The following NAV2 variants were observed in gnomAD, a reference collection of about 807,000 sequenced individuals.
The protein encoded by NAV2 is helicase, APC down-regulated 1.
In NAV2, 54 loss-of-function variants were observed where a neutral mutation model predicts 223.2. The observed-to-expected ratio is 0.24, with a 90% CI of 0.19 to 0.30. The LOEUF is 0.30. Ranked by LOEUF, NAV2 falls within the 10% of genes least tolerant of loss-of-function variation. The pLI, the probability that NAV2 is intolerant of heterozygous loss-of-function variation, is 1.00. For synonymous variants in NAV2, 1,279 were observed against 1,239.3 expected, an observed-to-expected ratio of 1.03 and a Z score of -0.67; for missense variants, 2,806 against 3,147.5, an observed-to-expected ratio of 0.89 and a Z score of 2.60.
At chr11:20,017,377 C>G (rs1375600356) in intron 11 of NAV2, among the ~76,000 whole-genome samples, 1 of 152,198 alleles carries the variant, frequency 6.6e-6, no homozygotes, top group East Asian at 1.9e-4. Context: ...TCTGGAACAC[C>G]TGGCTTTCTC....
chr11:19,642,983 G>A (rs533800891), intron 1 of NAV2, among the ~76,000 whole-genome samples: 17 of 152,230 alleles, frequency 1.1e-4, no homozygotes, highest in Middle Eastern at 3.4e-3. Flanking sequence ...CTATTGACTT[G>A]GCTTTTGCTT....
At chr11:19,727,468 G>A (rs1291652794) in intron 1 of NAV2, among the ~76,000 whole-genome samples, 1 of 152,224 alleles carries the variant, frequency 6.6e-6, no homozygotes, top group African/African-American at 2.4e-5. Context: ...GAGGCAGGAT[G>A]CTTCCCAGGG....
At chr11:19,715,838 A>T (rs2050262189) in intron 1 of NAV2, among the ~76,000 whole-genome samples, 2 of 152,142 alleles carry the variant, frequency 1.3e-5, no homozygotes, top group South Asian at 4.1e-4. Flanking sequence ...CTGATGGTGA[A>T]CATAGTTTGG....
chr11:19,789,046 A>G (rs1257170909), intron 1 of NAV2, among the ~76,000 whole-genome samples: 2 of 152,204 alleles, frequency 1.3e-5, no homozygotes, highest in Non-Finnish European at 2.9e-5. Context: ...GAGAGGCATA[A>G]GATAGGTGCT....
intron 1 of NAV2, among the ~76,000 whole-genome samples, chr11:19,740,871 A>G (rs1452393236): frequency 7.9e-5 from 12 of 152,246 alleles, no homozygotes; most frequent in Admixed American, 7.8e-4. Flanking sequence ...GCTCACAGCC[A>G]CATTCCAGAT....
chr11:19,888,612 G>C (rs1000791486), intron 5 of NAV2, among the ~76,000 whole-genome samples: 3 of 152,106 alleles, frequency 2.0e-5, no homozygotes, highest in African/African-American at 7.2e-5. Context: ...CCACATCCCT[G>C]GAGGGCAGGA....
At chr11:20,061,503 A>T (rs566532554) in intron 19 of NAV2, among the ~76,000 whole-genome samples, 1 of 149,072 alleles carries the variant, frequency 6.7e-6, no homozygotes, top group Non-Finnish European at 1.5e-5. Flanking sequence ...TGGGAGGCAG[A>T]GGTTGTGGTG....
Position 19,861,132 on chromosome 11 carries a change from A to C in NAV2, c.439-7793A>C, listed in dbSNP as rs997296804. The stretch of plus-strand genomic sequence containing the variant: ...GGGAGAGGGAGAGGGAGAGGGCCAG[A>C]GTCATATTCTCTTAAACAGATATTG... On this transcript the variant is annotated intron_variant, in intron 3 of 37. Coordinates refer to ENST00000349880, the MANE Select transcript of NAV2 (RefSeq NM_145117.5). Among the ~76,000 whole-genome samples, 6 of 135,704 alleles carry C rather than the reference A, an allele frequency of 4.4e-5. No homozygotes were observed. In the East Asian group the frequency reaches 1.1e-3, roughly 24 times the overall value. The allele number at this position is 135,704 out of a possible 152,430, so 89.0% of individuals were successfully genotyped here.
At chr11:19,363,015 G>T (rs1854046965) in intron 1 of NAV2, among the ~76,000 whole-genome samples, 1 of 152,058 alleles carries the variant, frequency 6.6e-6, no homozygotes, top group South Asian at 2.1e-4. Flanking sequence ...AAATTCTGGG[G>T]TACATGTGCA....
At chr11:19,721,670 T>A (rs1289339634) in intron 1 of NAV2, among the ~76,000 whole-genome samples, 1 of 152,224 alleles carries the variant, frequency 6.6e-6, no homozygotes, top group Non-Finnish European at 1.5e-5. Flanking sequence ...AGCTCCTGGA[T>A]GAGGAAAACC....
At chr11:19,378,010 A>G (rs1271730405) in intron 1 of NAV2, among the ~76,000 whole-genome samples, 1 of 152,122 alleles carries the variant, frequency 6.6e-6, no homozygotes, top group Non-Finnish European at 1.5e-5. Context: ...AGGCAGGTGG[A>G]AGATCAGAGG....
chr11:19,723,724 C>T (rs1755533691), intron 1 of NAV2, among the ~76,000 whole-genome samples: 1 of 152,156 alleles, frequency 6.6e-6, no homozygotes, highest in South Asian at 2.1e-4. Context: ...TGGCTGCTGT[C>T]CCCCAGGTGA....
intron 1 of NAV2, among the ~76,000 whole-genome samples, chr11:19,801,703 A>C (rs562201622): frequency 6.6e-6 from 1 of 152,324 alleles, no homozygotes; most frequent in East Asian, 1.9e-4. Context: ...AAAGAAGGGC[A>C]GTCTCTGGCT....
At chr11:19,709,089 G>A (rs890136), upstream of NAV2, among the ~76,000 whole-genome samples, 121,337 of 151,916 alleles carry the variant, frequency 0.8, 48,600 homozygotes, top group Middle Eastern at 0.87. Context: ...CTTATAGGCC[G>A]TTTTTATAAT....
At chr11:19,345,695 A>T in the NAV2 span, among the ~76,000 whole-genome samples, 1 of 152,250 alleles carries the variant, frequency 6.6e-6, no homozygotes, top group East Asian at 1.9e-4. The surrounding 1 kb of genome is among the most constrained non-coding windows in gnomAD (Gnocchi z 5.2). Context: ...CGCCCGGCGC[A>T]GTGCTCCGAG....
At chr11:20,001,140 G>A (rs2052502529) in intron 11 of NAV2, among the ~76,000 whole-genome samples, 1 of 152,076 alleles carries the variant, frequency 6.6e-6, no homozygotes, top group Admixed American at 6.6e-5. Context: ...GCACGCTCCG[G>A]GGTATTGTAA....
chr11:19,789,456 T>A (rs182129771), intron 1 of NAV2, among the ~76,000 whole-genome samples: 2 of 152,304 alleles, frequency 1.3e-5, no homozygotes, highest in African/African-American at 4.8e-5. Flanking sequence ...TTTTCGGCCG[T>A]TATTGTTATT....
At chr11:19,986,274 A>G (rs1257159287) in intron 11 of NAV2, among the ~76,000 whole-genome samples, 1 of 152,216 alleles carries the variant, frequency 6.6e-6, no homozygotes. Flanking sequence ...AATGGACAAC[A>G]ATGTCCTTTG....
chr11:19,640,351 G>T (rs1258930070), intron 1 of NAV2, among the ~76,000 whole-genome samples: 1 of 152,034 alleles, frequency 6.6e-6, no homozygotes, highest in Non-Finnish European at 1.5e-5. Flanking sequence ...TCTGAGAGAA[G>T]ATTTTACTGT....
Sources: allele counts gnomAD v4.1 joint callset (sites outside exome capture counted in the v4.1 genomes callset), GRCh38; gene constraint gnomAD v4.1.1; non-coding constraint Gnocchi (gnomAD v3.1); transcripts MANE v1.5; gene names NCBI Gene and HGNC (gene_info 2026-07-23, HGNC 2026-07-21).